The following NRN1 variants were observed in gnomAD, a reference collection of about 807,000 sequenced individuals.
The protein encoded by NRN1 is neuritin 1.
Under a neutral mutation model 15.0 loss-of-function variants are expected in NRN1, and 4 were observed. The ratio of observed to expected loss-of-function variants is 0.27; its 90% CI spans 0.13 to 0.61. The LOEUF (loss-of-function observed/expected upper bound fraction) is 0.61, where lower values mean the gene tolerates loss of function less well. Among genes scored for constraint, NRN1 ranks in the 20% least tolerant of loss-of-function variants. The pLI, the probability that NRN1 is intolerant of heterozygous loss-of-function variation, is 0.87. For synonymous variants in NRN1, 85 were observed against 79.8 expected (o/e 1.07, Z -0.35); for missense variants, 134 against 181.9 (o/e 0.74, Z 1.51).
At chr6:6,003,890 G>A (rs1461257360) in intron 1 of NRN1, 1 of 1,230,772 alleles carries the variant, frequency 8.1e-7, no homozygotes, top group Non-Finnish European at 1.0e-6. Context: ...CACGACCCTG[G>A]GCGCCGGCCT....
At chr6:6,003,968 A>C in intron 1 of NRN1, 2 of 1,220,088 alleles carry the variant, frequency 1.6e-6, no homozygotes, top group Non-Finnish European at 2.0e-6. Flanking sequence ...GGACACCTCA[A>C]TCCCCCGGCC....
rs753009654 is a variant in NRN1, at chr6:6,002,360, C to A, written c.193G>T (p.Val65Leu). ...GLDDKTNIKT[V>L]CTYWEDFHSC... ...GCCAGAGAGGACACTTACGTGCACA[C>A]GGTCTTGATGTTCGTCTTGTCGTCC... Residue 65 changes from valine to leucine, a missense_variant, in exon 2 of 3, where the codon GTG (valine) becomes TTG (leucine). Val to Leu is a conservative substitution (Grantham distance 32). Transcript: ENST00000244766. 6.2e-7 allele frequency: 1 copy of A among 1,614,042 alleles called. No homozygotes were observed. Among genetic ancestry groups the A allele is most frequent in the East Asian group, 2.2e-5 (1 of 44,892 alleles).
chr6:6,006,962 A>AG (rs11285278), upstream of NRN1: 877 of 151,830 alleles, frequency 5.8e-3, 9 homozygotes, highest in East Asian at 0.029. Flanking sequence ...AGAGAGGCTG[A>AG]GGGGGGGGGG....
At chr6:6,003,252 C>A (rs1429389273) in intron 1 of NRN1, 124 of 1,234,580 alleles carry the variant, frequency 1.0e-4, no homozygotes, top group Non-Finnish European at 1.2e-4. Context: ...CGTCCTGAGA[C>A]CTGGCGCGGA....
chr6:6,007,323 C>T (rs1488126868), upstream of NRN1, among the ~76,000 whole-genome samples: 2 of 151,864 alleles, frequency 1.3e-5, no homozygotes, highest in African/African-American at 4.8e-5. Flanking sequence ...CGCGCCCACT[C>T]GATTGTTTCA....
In NRN1 at chr6:5,998,944, G is replaced by C. The variant is rs1405801189; in HGVS notation, c.*32C>G. 6.6e-7 allele frequency: 1 copy of C among 1,519,658 alleles called. No homozygotes were observed. 94.1% of individuals were successfully genotyped at this position (1,519,658 alleles called of 1,614,324 possible). A position where few individuals can be genotyped will look rare whatever the true frequency, so the allele number is the denominator to read the frequency against. ...ATTTCCGGGAGCATGGAGTGAGTGT[G>C]GGTGGGCGCGCGGGGGGAGCTGGCC... is the stretch of plus-strand genomic sequence containing the variant. On this transcript the variant is annotated 3_prime_UTR_variant, in exon 3 of 3. Transcript: ENST00000244766.
chr6:6,002,254 C>T, intron 2 of NRN1, 99 bp downstream of exon 2: 1 of 1,464,208 alleles, frequency 6.8e-7, no homozygotes, highest in East Asian at 2.3e-5. Flanking sequence ...CGGATTCGCG[C>T]TGGCGCTGAA....
Position 6,002,378 on chromosome 6 carries a change from T to C in NRN1, c.175A>G (p.Lys59Glu). 1 of 1,614,222 alleles carries C rather than the reference T, an allele frequency of 6.2e-7. No individual in the cohort carries two copies. The highest frequency in any genetic ancestry group is 8.5e-7 in the Non-Finnish European group (1 of 1,180,032). ...MANYPQGLDD[K>E]TNIKTVCTYW... ...GTGCACACGGTCTTGATGTTCGTCTTGTCGTCCAGGCCCTGCGGGTAGTTG... is the reference window on the plus strand; with the variant it reads ...GTGCACACGGTCTTGATGTTCGTCTCGTCGTCCAGGCCCTGCGGGTAGTTG... Residue 59 changes from lysine (K) to glutamate (E), a missense_variant, in exon 2 of 3, where the codon AAG becomes GAG. Transcript: ENST00000244766.
rs1044287654 is a variant in NRN1 at position 5,998,930 on chromosome 6, C to A, written c.*46G>T. On this transcript the variant is annotated 3_prime_UTR_variant, in exon 3 of 3. Transcript: ENST00000244766. The stretch of plus-strand genomic sequence containing the variant: ...GGATCTTCCTCTCGATTTCCGGGAG[C>A]ATGGAGTGAGTGTGGGTGGGCGCGC... The A allele has an allele frequency of 1.5e-5, 20 of 1,374,110 alleles. No homozygotes were observed. In the East Asian group the frequency reaches 4.0e-4, roughly 27 times the overall value. 85.1% of individuals were successfully genotyped at this position (1,374,110 alleles called of 1,614,324 possible). A position where few individuals can be genotyped will look rare whatever the true frequency, so the allele number is the denominator to read the frequency against.
At chr6:6,004,604 C>T (rs563420649) in intron 1 of NRN1, among the ~76,000 whole-genome samples, 2 of 152,334 alleles carry the variant, frequency 1.3e-5, no homozygotes, top group South Asian at 4.1e-4. Context: ...TAAAATAAGT[C>T]GTGAACATTT....
At chr6:6,005,111 A>G (rs1582994914) in intron 1 of NRN1, among the ~76,000 whole-genome samples, 1 of 152,038 alleles carries the variant, frequency 6.6e-6, no homozygotes, top group African/African-American at 2.4e-5. Flanking sequence ...CGCGTCCCTC[A>G]GGCACGACCA....
At chr6:6,006,291 T>C (rs1255792169) in intron 1 of NRN1, among the ~76,000 whole-genome samples, 1 of 152,268 alleles carries the variant, frequency 6.6e-6, no homozygotes, top group East Asian at 1.9e-4. Context: ...TTTCCAGTCC[T>C]GGCTGCCTAG....
chr6:6,004,857 T>G (rs78058043), intron 1 of NRN1, among the ~76,000 whole-genome samples: 4 of 152,082 alleles, frequency 2.6e-5, no homozygotes, highest in African/African-American at 4.8e-5. Flanking sequence ...CGACCTCTCA[T>G]TCATTCCGAA....
intron 1 of NRN1, among the ~76,000 whole-genome samples, chr6:6,005,037 C>T (rs1321744772): frequency 1.3e-5 from 2 of 151,144 alleles, no homozygotes; most frequent in South Asian, 2.1e-4. Flanking sequence ...GGAACAAATA[C>T]GTTCAATTTC....
intron 2 of NRN1, 80 bp downstream of exon 2, chr6:6,002,273 G>T (rs112204496): frequency 2.0e-5 from 30 of 1,524,686 alleles, no homozygotes; most frequent in Middle Eastern, 3.4e-4. Flanking sequence ...AACGCTGAGC[G>T]CAGGCGGGGA....
chr6:6,004,232 G>T (rs1308457542), intron 1 of NRN1, among the ~76,000 whole-genome samples: 2 of 152,154 alleles, frequency 1.3e-5, no homozygotes, highest in African/African-American at 2.4e-5. Flanking sequence ...ATACCCTTGC[G>T]ACTACAATAC....
At chr6:6,003,732 T>C in intron 1 of NRN1, 3 of 1,234,274 alleles carry the variant, frequency 2.4e-6, no homozygotes, top group Non-Finnish European at 3.0e-6. Context: ...TGTGGCCATC[T>C]CTTTCCGCCC....
rs188979328 is a variant in NRN1 at position 5,999,725 on chromosome 6, C to G, written c.201-521G>C. 2.4e-3 allele frequency among the ~76,000 whole-genome samples: 361 copies of G among 152,326 alleles called. 4 individuals are homozygous for G. Among genetic ancestry groups the G allele is most frequent in the South Asian group, 7.7e-3 (37 of 4,822 alleles). ...CCTTCTCCACGCCGCGGTACTCTCG[C>G]CTTCGCCCTCATTCTCTCCCTCCAC... On this transcript the variant is annotated intron_variant, in intron 2 of 2. Transcript: ENST00000244766.
At chr6:6,004,305 G>T (rs1044279218) in intron 1 of NRN1, among the ~76,000 whole-genome samples, 7 of 152,176 alleles carry the variant, frequency 4.6e-5, no homozygotes, top group African/African-American at 1.7e-4. Flanking sequence ...GATAGAGCTC[G>T]TTCAAAATGG....
Sources: gnomAD v4.1 joint callset for allele counts (sites outside exome capture counted in the v4.1 genomes callset) on GRCh38, gnomAD v4.1.1 for gene constraint, MANE v1.5 for transcripts, NCBI Gene and HGNC (gene_info 2026-07-23, HGNC 2026-07-21) for gene names.